Variants in NDUFAF6 observed in about 807,000 individuals in gnomAD.
NDUFAF6 encodes NADH:ubiquinone oxidoreductase complex assembly factor 6.
Under a neutral mutation model 40.8 loss-of-function variants are expected in NDUFAF6, and 45 were observed. That is an observed-to-expected ratio of 1.10 (90% confidence interval 0.87 to 1.42). NDUFAF6 has a LOEUF of 1.42. Among genes scored for constraint, NDUFAF6 ranks in the 40% most tolerant of loss-of-function variants. The pLI is 0.00. For missense variants in NDUFAF6, 435 were observed against 418.5 expected (o/e 1.04, Z -0.34); for synonymous variants, 185 against 155.9 (o/e 1.19, Z -1.39).
At chr8:95,094,625 G>A (rs557234942) in intron 2 of NDUFAF6, among the ~76,000 whole-genome samples, 2 of 151,414 alleles carry the variant, frequency 1.3e-5, no homozygotes, top group South Asian at 4.2e-4. Flanking sequence ...ATGTTGGGCA[G>A]GCTGGTCTTG....
intron 1 of NDUFAF6, among the ~76,000 whole-genome samples, chr8:94,966,121 C>T (rs1823995320): frequency 6.6e-6 from 1 of 152,150 alleles, no homozygotes; most frequent in South Asian, 2.1e-4. Flanking sequence ...TTGGGAGATA[C>T]TCATGAGGTA....
intron 1 of NDUFAF6, among the ~76,000 whole-genome samples, chr8:94,943,501 T>C (rs1368400270): frequency 1.3e-5 from 2 of 152,044 alleles, no homozygotes; most frequent in Non-Finnish European, 2.9e-5. Context: ...AAAAGTTATA[T>C]ATATGTATGA....
chr8:95,016,093 A>G (rs1161897353), intron 2 of NDUFAF6, among the ~76,000 whole-genome samples: 1 of 152,132 alleles, frequency 6.6e-6, no homozygotes, highest in South Asian at 2.1e-4. Flanking sequence ...TCTTTTCATC[A>G]TTACCTGGTA....
At chr8:95,020,836 A>G (rs1366052887), upstream of NDUFAF6, among the ~76,000 whole-genome samples, 1 of 152,228 alleles carries the variant, frequency 6.6e-6, no homozygotes, top group Non-Finnish European at 1.5e-5. Flanking sequence ...ACAAATTGTT[A>G]TAGGATCAAA....
intron 1 of NDUFAF6, among the ~76,000 whole-genome samples, chr8:94,923,664 A>C (rs1275618364): frequency 6.6e-6 from 1 of 151,086 alleles, no homozygotes; most frequent in African/African-American, 2.4e-5. Flanking sequence ...AGCTTACAAT[A>C]GATACTCTGA....
In NDUFAF6 at chr8:95,025,106, T is replaced by G. The variant is rs1827930059; in HGVS notation, c.98T>G (p.Met33Arg). The change falls in exon 1 of 9, where the codon ATG (methionine) becomes AGG (arginine). Residue 33 changes from methionine to arginine, a missense_variant. Physicochemically the swap from Met to Arg is moderately conservative, Grantham distance 91 (BLOSUM62 -1). Transcript: ENST00000396124. ...CCGCCTCTGGGTCTGTACGCGCGCA[T>G]GCGGCGGCTGCCCGGGCCGGAGGTG... is the stretch of plus-strand genomic sequence containing the variant. ...RRPPLGLYAR[M>R]RRLPGPEVSG... is the part of the protein sequence containing the mutation. 2.0e-5 allele frequency: 29 copies of G among 1,481,046 alleles called. No homozygotes were observed. Among genetic ancestry groups the G allele is most frequent in the Non-Finnish European group, 2.5e-5 (28 of 1,126,092 alleles). 91.7% of individuals were successfully genotyped at this position (1,481,046 alleles called of 1,614,324 possible).
In NDUFAF6 at chr8:95,052,751, T is replaced by G. The variant is rs539630617; in HGVS notation, c.873+521T>G. Among the ~76,000 whole-genome samples, 208 of 152,304 alleles carry G rather than the reference T, an allele frequency of 1.4e-3. No homozygotes were observed. The Middle Eastern group carries it at 0.02, about 15-fold the overall frequency. On this transcript the variant is annotated intron_variant, in intron 8 of 8. Coordinates refer to ENST00000396124, the MANE Select transcript of NDUFAF6 (RefSeq NM_152416.4). ...TTAAAAATATAGATTCCTGGAGTCTTCTTTTTTAGTAAGACTTTTGGGATT... is the reference window on the plus strand; with the variant it reads ...TTAAAAATATAGATTCCTGGAGTCTGCTTTTTTAGTAAGACTTTTGGGATT...
At chr8:94,952,596 C>T (rs964617007) in intron 2 of NDUFAF6, among the ~76,000 whole-genome samples, 46 of 152,156 alleles carry the variant, frequency 3.0e-4, no homozygotes, top group African/African-American at 1.1e-3. Flanking sequence ...CTCCAGAAAG[C>T]CTGGAACAAA....
chr8:94,950,429 G>C (rs1293423275), intron 2 of NDUFAF6: 1 of 152,292 alleles, frequency 6.6e-6, no homozygotes. Context: ...TCTTTGACCT[G>C]GGGTGAGCTG....
intron 9 of NDUFAF6, among the ~76,000 whole-genome samples, chr8:95,064,839 A>C (rs563649902): frequency 2.6e-5 from 4 of 152,266 alleles, no homozygotes; most frequent in African/African-American, 9.6e-5. Context: ...GCCAAGAAGA[A>C]TCTAAACGGA....
chr8:95,057,455 G>C (rs1459140158), intron 8 of NDUFAF6, among the ~76,000 whole-genome samples: 3 of 152,050 alleles, frequency 2.0e-5, no homozygotes, highest in Non-Finnish European at 4.4e-5. Context: ...GGTCGGGGTG[G>C]GGATGTTTCA....
At chr8:94,915,050 T>C (rs910248462) in intron 1 of NDUFAF6, among the ~76,000 whole-genome samples, 1 of 152,170 alleles carries the variant, frequency 6.6e-6, no homozygotes, top group African/African-American at 2.4e-5. Context: ...ATAGGTCATT[T>C]TGCAACACTT....
At position 95,052,318 on chromosome 8, in the gene NDUFAF6, T is replaced by C. The variant is rs528554016; in HGVS notation, c.873+88T>C. On this transcript the variant is annotated intron_variant, in intron 8 of 8. Coordinates refer to ENST00000396124, the MANE Select transcript of NDUFAF6 (RefSeq NM_152416.4). ...TATTTTATAAAGTTCCCAATGAACT[T>C]CTTTAGTTCGGAGCCTTTGTTTTTG... The C allele has an allele frequency of 2.1e-5, 30 of 1,412,506 alleles. No individual in the cohort carries two copies. In the East Asian group the frequency reaches 6.2e-4, roughly 29 times the overall value. 87.5% of individuals were successfully genotyped at this position (1,412,506 alleles called of 1,614,324 possible). A position where few individuals can be genotyped will look rare whatever the true frequency, so the allele number is the denominator to read the frequency against.
intron 2 of NDUFAF6, among the ~76,000 whole-genome samples, chr8:95,002,842 G>T (rs986500525): frequency 1.3e-5 from 2 of 152,202 alleles, no homozygotes; most frequent in Admixed American, 6.5e-5. Flanking sequence ...GGGAGGTGGT[G>T]TCAGGCGTAA....
At chr8:94,915,815 G>A (rs1819091000) in intron 1 of NDUFAF6, among the ~76,000 whole-genome samples, 1 of 152,154 alleles carries the variant, frequency 6.6e-6, no homozygotes, top group Non-Finnish European at 1.5e-5. Context: ...GAAATGAGTG[G>A]TTAAGTTTCT....
At chr8:95,065,567 A>G (rs1383152742) in intron 9 of NDUFAF6, among the ~76,000 whole-genome samples, 1 of 152,176 alleles carries the variant, frequency 6.6e-6, no homozygotes, top group Non-Finnish European at 1.5e-5. Context: ...TTTTCTGTAG[A>G]AGATGTTTTA....
Position 95,032,113 on chromosome 8 carries a change from T to C in NDUFAF6, c.297+19T>C. ...GGCTCAGGCTGGTATTAAGATACCT[T>C]AAAATATTATTTGCGAAATGGTGAT... On this transcript the variant is annotated intron_variant, in intron 2 of 8. Coordinates refer to ENST00000396124, the MANE Select transcript of NDUFAF6 (RefSeq NM_152416.4). 6.3e-7 allele frequency: 1 copy of C among 1,593,462 alleles called. No homozygotes were observed. Among genetic ancestry groups the C allele is most frequent in the South Asian group, 1.1e-5 (1 of 90,710 alleles).
chr8:95,005,567 CATAA>C lies in NDUFAF6; in HGVS notation c.-84+24599_-84+24602del, dbSNP rs1826942173. Among the ~76,000 whole-genome samples, 13 of 104,018 alleles carry C rather than the reference CATAA, an allele frequency of 1.2e-4. No individual in the cohort carries two copies. In the South Asian group the frequency reaches 3.9e-3, roughly 31 times the overall value. The allele number at this position is 104,018 out of a possible 152,430, so 68.2% of individuals were successfully genotyped here. A position where few individuals can be genotyped will look rare whatever the true frequency, so the allele number is the denominator to read the frequency against. On this transcript the variant is annotated intron_variant, in intron 2 of 9. Coordinates refer to the NDUFAF6 transcript ENST00000396111. ...TATATATATATAAAAAATATATTAACATAAATAATATATTTATTATTTATTATTT... is the reference window on the plus strand; with the variant it reads ...TATATATATATAAAAAATATATTAACATAATATATTTATTATTTATTATTT...
intron 2 of NDUFAF6, among the ~76,000 whole-genome samples, chr8:95,092,605 G>A (rs13280647): frequency 6.4e-5 from 8 of 124,804 alleles, no homozygotes; most frequent in South Asian, 2.6e-4. Flanking sequence ...TTTTTTTTGA[G>A]ATAGAGTCTC....
Sources: allele counts gnomAD v4.1 joint callset (sites outside exome capture counted in the v4.1 genomes callset), GRCh38; gene constraint gnomAD v4.1.1; transcripts MANE v1.5; gene names NCBI Gene and HGNC (gene_info 2026-07-23, HGNC 2026-07-21).